Variants in MYO9B observed in about 807,000 individuals in gnomAD.
The protein encoded by MYO9B is unconventional myosin-IXb.
MYO9B carries 71 observed loss-of-function variants against 229.5 expected under a neutral mutation model. The ratio of observed to expected loss-of-function variants is 0.31; its 90% CI spans 0.26 to 0.38. The LOEUF (loss-of-function observed/expected upper bound fraction) is 0.38, where lower values mean the gene tolerates loss of function less well. Among genes scored for constraint, MYO9B ranks in the 10% least tolerant of loss-of-function variants. The pLI, the probability that MYO9B is intolerant of heterozygous loss-of-function variation, is 1.00. For missense variants in MYO9B, 2,255 were observed against 2,920.5 expected (o/e 0.77, Z 5.25); for synonymous variants, 1,185 against 1,235.8 (o/e 0.96, Z 0.86).
At chr19:17,153,219 T>C (rs1271158162) in intron 4 of MYO9B, among the ~76,000 whole-genome samples, 1 of 151,436 alleles carries the variant, frequency 6.6e-6, no homozygotes, top group East Asian at 2.0e-4. Context: ...AGTCTTGCTC[T>C]GTCACCCAGG....
At chr19:17,206,224 A>AG (rs2073159953) in intron 32 of MYO9B, 24 bp from the exon 33 acceptor site, 3 of 1,563,264 alleles carry the variant, frequency 1.9e-6, no homozygotes, top group Non-Finnish European at 2.6e-6. Flanking sequence ...GCCGCTCACC[A>AG]GACCCACCCC....
chr19:17,100,875 C>A (rs944141081), intron 1 of MYO9B, among the ~76,000 whole-genome samples: 2 of 151,822 alleles, frequency 1.3e-5, no homozygotes, highest in Non-Finnish European at 2.9e-5. Context: ...TTTTGGGAAT[C>A]CCAAATTTCA....
intron 7 of MYO9B, 117 bp downstream of exon 7, chr19:17,157,155 C>T (rs1272742961): frequency 7.9e-7 from 1 of 1,270,078 alleles, no homozygotes; most frequent in Admixed American, 2.8e-5. Context: ...TCAACCAGGA[C>T]CTCACGTCTT....
intron 14 of MYO9B, among the ~76,000 whole-genome samples, chr19:17,180,283 C>T (rs909804020): frequency 6.7e-6 from 1 of 148,430 alleles, no homozygotes; most frequent in Admixed American, 6.8e-5. Context: ...AATATGAGAA[C>T]TTTTTCAGTG....
In MYO9B at chr19:17,119,628, GTTTT is replaced by G. The variant is rs113107104; in HGVS notation, c.840+17074_840+17077del. 2.6e-4 allele frequency among the ~76,000 whole-genome samples: 40 copies of G among 152,126 alleles called. 1 individual carries two copies. Among genetic ancestry groups the G allele is most frequent in the African/African-American group, 9.6e-4 (40 of 41,472 alleles). On this transcript the variant is annotated intron_variant, in intron 2 of 39. Transcript: ENST00000682292. Reference sequence around the variant, plus strand: ...GCAGGAGGATCATTTGAGCTCAGGAGTTTTTTGTTTGTTTGTTTGTTTTGTTTTG... The same window carrying G: ...GCAGGAGGATCATTTGAGCTCAGGAGTTGTTTGTTTGTTTGTTTTGTTTTG...
At chr19:17,175,809 A>T in intron 14 of MYO9B, 68 bp downstream of exon 14, 37 of 965,066 alleles carry the variant, frequency 3.8e-5, no homozygotes, top group Non-Finnish European at 5.1e-5. Flanking sequence ...CAAACAACTT[A>T]GGGAATGCTA....
Position 17,210,848 on chromosome 19 carries a change from A to G in MYO9B, c.5930A>G (p.Lys1977Arg). Residue 1977 changes from lysine (K) to arginine (R), a missense_variant and splice_region_variant, in exon 38 of 40, where the codon AAG (lysine) becomes AGG (arginine). Lys to Arg is a conservative substitution (Grantham distance 26). Transcript: ENST00000682292. ...CGGATCCAGTCCATCAAGGAGGAGA[A>G]GCAAGTGGCTCAGTCCCCTCCCTCA... ...IERIQSIKEE[K>R]EDITYRLPEL... The G allele has an allele frequency of 6.3e-7, 1 of 1,598,270 alleles. No individual in the cohort carries two copies. Among genetic ancestry groups the G allele is most frequent in the Non-Finnish European group, 8.5e-7 (1 of 1,172,894 alleles).
At chr19:17,205,454 C>T in intron 31 of MYO9B, 118 bp downstream of exon 31, 8 of 921,300 alleles carry the variant, frequency 8.7e-6, no homozygotes, top group Non-Finnish European at 1.2e-5. Flanking sequence ...TAGGGGGCGG[C>T]TGTGGCCTCT....
At chr19:17,135,701 C>T (rs1033556054) in intron 2 of MYO9B, among the ~76,000 whole-genome samples, 1 of 152,058 alleles carries the variant, frequency 6.6e-6, no homozygotes, top group Non-Finnish European at 1.5e-5. Flanking sequence ...AATTGGTGCA[C>T]GGGGTAATCG....
In MYO9B at chr19:17,180,964, T is replaced by C; in HGVS notation, c.2257T>C (p.Leu753=). Residue 753 remains leucine, a synonymous_variant, in exon 15 of 40, where the codon TTG becomes CTG. Coordinates refer to ENST00000682292, the MANE Select transcript of MYO9B (RefSeq NM_004145.4). ...HNQMIKSIKG[L]PWQGEDPRSL... is the part of the protein sequence containing the mutation. The stretch of plus-strand genomic sequence containing the variant: ...CCAAATGATCAAGAGCATCAAAGGA[T>C]TGCCCTGGCAGGGCGAGGACCCCCG... The C allele has an allele frequency of 6.2e-7, 1 of 1,611,262 alleles. No individual in the cohort carries two copies. Among genetic ancestry groups the C allele is most frequent in the Non-Finnish European group, 8.5e-7 (1 of 1,178,932 alleles).
chr19:17,161,553 C>T (rs139155221), intron 8 of MYO9B, among the ~76,000 whole-genome samples: 3,998 of 152,172 alleles, frequency 0.026, 190 homozygotes, highest in African/African-American at 0.092. Flanking sequence ...CGGTGGCTCA[C>T]GCCTGTAATC....
At chr19:17,209,837 GTGGGC>G in intron 36 of MYO9B, 128 bp downstream of exon 36, 1 of 1,245,982 alleles carries the variant, frequency 8.0e-7, no homozygotes, top group Non-Finnish European at 1.1e-6. Context: ...GGGGCCTTGG[GTGGGC>G]AGGACCTCCC....
chr19:17,109,095 T>C (rs914329356), intron 2 of MYO9B, among the ~76,000 whole-genome samples: 2 of 149,026 alleles, frequency 1.3e-5, no homozygotes, highest in Admixed American at 1.4e-4. Context: ...GAAACAGAGT[T>C]TCTCTCTGTC....
In MYO9B at chr19:17,205,953, A is replaced by C. The variant is rs1014455924; in HGVS notation, c.5065-7A>C. On this transcript the variant is annotated splice_region_variant and splice_polypyrimidine_tract_variant and intron_variant, in intron 31 of 39. Coordinates refer to ENST00000682292, the MANE Select transcript of MYO9B (RefSeq NM_004145.4). Reference sequence around the variant, plus strand: ...CCCAGACCTGACCCCCAACCCCGGCACTGCAGGGCGAGCCAGGCGTTGAGC... The same window carrying C: ...CCCAGACCTGACCCCCAACCCCGGCCCTGCAGGGCGAGCCAGGCGTTGAGC... The C allele has an allele frequency of 3.2e-6, 5 of 1,549,994 alleles. No individual in the cohort carries two copies. The highest frequency in any genetic ancestry group is 4.4e-6 in the Non-Finnish European group (5 of 1,146,290).
chr19:17,156,217 A>G (rs2072536043), intron 6 of MYO9B, among the ~76,000 whole-genome samples: 1 of 152,032 alleles, frequency 6.6e-6, no homozygotes, highest in Non-Finnish European at 1.5e-5. Context: ...TCTGGGGGCT[A>G]GTCAGAGGGA....
intron 1 of MYO9B, among the ~76,000 whole-genome samples, chr19:17,085,155 C>T (rs2057570383): frequency 6.6e-6 from 1 of 152,076 alleles, no homozygotes; most frequent in South Asian, 2.1e-4. Flanking sequence ...GCTGTTTCAC[C>T]GAAGACACTG....
At chr19:17,207,972 T>C (rs1456367190) in intron 35 of MYO9B, 2 of 148,748 alleles carry the variant, frequency 1.3e-5, no homozygotes, top group African/African-American at 5.0e-5. Flanking sequence ...ATCATGCCAT[T>C]GCACTCCAGC....
intron 2 of MYO9B, among the ~76,000 whole-genome samples, chr19:17,114,702 C>T (rs895673156): frequency 2.6e-5 from 4 of 152,082 alleles, no homozygotes; most frequent in East Asian, 1.9e-4. Flanking sequence ...CTGGTTTGTG[C>T]GCCCTGGATT....
In MYO9B at chr19:17,206,685, C is replaced by T. The variant is rs777492944; in HGVS notation, c.5393C>T (p.Pro1798Leu). The T allele has an allele frequency of 3.2e-6, 5 of 1,572,750 alleles. No homozygotes were observed. The highest frequency in any genetic ancestry group is 2.4e-5 in the East Asian group (1 of 42,220). The change falls in exon 34 of 40, where the codon CCG (proline) becomes CTG (leucine). Residue 1798 changes from proline (P) to leucine (L), a missense_variant. By Grantham distance (98) the Pro-to-Leu change is moderately conservative. This residue lies in a region of MYO9B where 416 missense variants were observed against 605.5 expected (regional missense o/e 0.69). Coordinates refer to ENST00000682292, the MANE Select transcript of MYO9B (RefSeq NM_004145.4). Reference sequence around the variant, plus strand: ...CAAACCCCACTGCCTGCAGAGCTGCCGGAGAAGCAGGAGCAGCTGGCTGCC... The same window carrying T: ...CAAACCCCACTGCCTGCAGAGCTGCTGGAGAAGCAGGAGCAGCTGGCTGCC... ...YGDFLRAVEL[P>L]EKQEQLAAIY...
Sources: gnomAD v4.1 joint callset for allele counts (sites outside exome capture counted in the v4.1 genomes callset) on GRCh38, gnomAD v4.1.1 for gene constraint, gnomAD v4.1.1 regional missense constraint, MANE v1.5 for transcripts, NCBI Gene and HGNC (gene_info 2026-07-23, HGNC 2026-07-21) for gene names.